The following DNAJC1 variants were observed in gnomAD, a reference collection of about 807,000 sequenced individuals.
The protein encoded by DNAJC1 is dnaJ homolog subfamily C member 1.
A neutral mutation model predicts 76.6 loss-of-function variants in DNAJC1; 58 were observed. The observed-to-expected ratio is 0.76, with a 90% CI of 0.61 to 0.94. The LOEUF is 0.94. Among genes scored for constraint, DNAJC1 ranks in the 40% least tolerant of loss-of-function variants. The pLI is 0.00. For synonymous variants in DNAJC1, 258 were observed against 267.9 expected (o/e 0.96, Z 0.36); for missense variants, 689 against 677.3 (o/e 1.02, Z -0.19).
At chr10:21,891,732 G>A (rs1422531544) in intron 7 of DNAJC1, among the ~76,000 whole-genome samples, 1 of 152,170 alleles carries the variant, frequency 6.6e-6, no homozygotes, top group Non-Finnish European at 1.5e-5. Flanking sequence ...TTACCGGCAT[G>A]AAGGGGAAAC....
rs773835390 is a variant in DNAJC1, at chr10:21,766,271, G to C, written c.1137C>G (p.Thr379=). 2.5e-6 allele frequency: 4 copies of C among 1,612,658 alleles called. No homozygotes were observed. The African/African-American group carries it at 5.3e-5, about 22-fold the overall frequency. Residue 379 remains threonine (T), a synonymous_variant, in exon 10 of 12, where the codon ACC becomes ACG. Coordinates refer to ENST00000376980, the MANE Select transcript of DNAJC1 (RefSeq NM_022365.4). The stretch of plus-strand genomic sequence containing the variant: ...GAAGTATGAACTCACCTGGGGAGCA[G>C]GTCACTGAATCCTTCAGTTGCTTGG... ...TKAKQLKDSV[T]CSPGMVRLSE...
At chr10:21,997,064 G>A (rs1158546429) in intron 1 of DNAJC1, among the ~76,000 whole-genome samples, 1 of 151,944 alleles carries the variant, frequency 6.6e-6, no homozygotes, top group African/African-American at 2.4e-5. Flanking sequence ...ATGTACAAAG[G>A]AATAGACTCC....
At chr10:21,950,420 C>G (rs941285352) in intron 1 of DNAJC1, among the ~76,000 whole-genome samples, 1 of 151,892 alleles carries the variant, frequency 6.6e-6, no homozygotes, top group Non-Finnish European at 1.5e-5. Context: ...CTGACTGATC[C>G]GACGACCAGC....
chr10:21,799,201 T>C (rs1482498666), intron 9 of DNAJC1, among the ~76,000 whole-genome samples: 1 of 152,250 alleles, frequency 6.6e-6, no homozygotes, highest in Non-Finnish European at 1.5e-5. Context: ...TTTCTACCAA[T>C]CTACTCTGTA....
chr10:21,966,179 C>T (rs561444684), intron 1 of DNAJC1, among the ~76,000 whole-genome samples: 1 of 152,186 alleles, frequency 6.6e-6, no homozygotes, highest in East Asian at 1.9e-4. Context: ...TATATTGTAC[C>T]CATCTCTGTG....
intron 8 of DNAJC1, among the ~76,000 whole-genome samples, chr10:21,827,613 G>A (rs1589998626): frequency 6.6e-6 from 1 of 152,172 alleles, no homozygotes; most frequent in Admixed American, 6.6e-5. Context: ...AACCTCTGCT[G>A]CGTCATCATA....
chr10:21,764,996 C>A (rs922459536), intron 10 of DNAJC1, among the ~76,000 whole-genome samples: 8 of 152,158 alleles, frequency 5.3e-5, no homozygotes, highest in Non-Finnish European at 1.2e-4. Context: ...TTCTGACCCC[C>A]CTCCACCAAG....
At chr10:21,976,363 T>C (rs1372455812) in intron 1 of DNAJC1, among the ~76,000 whole-genome samples, 1 of 152,176 alleles carries the variant, frequency 6.6e-6, no homozygotes, top group Non-Finnish European at 1.5e-5. Context: ...GGGCCAATAA[T>C]AAAAGCATGT....
intron 1 of DNAJC1, among the ~76,000 whole-genome samples, chr10:21,997,076 CAGAG>C (rs1838427801): frequency 6.6e-6 from 1 of 152,136 alleles, no homozygotes; most frequent in Non-Finnish European, 1.5e-5. Flanking sequence ...ATAGACTCCA[CAGAG>C]AAAGACTGAA....
chr10:21,918,340 A>C (rs369395912), intron 6 of DNAJC1, among the ~76,000 whole-genome samples: 2 of 150,368 alleles, frequency 1.3e-5, no homozygotes, highest in Non-Finnish European at 3.0e-5. Context: ...AAAGCAATAT[A>C]TATTTTGGTA....
At chr10:21,775,130 G>A (rs1172756092) in intron 9 of DNAJC1, among the ~76,000 whole-genome samples, 4 of 152,034 alleles carry the variant, frequency 2.6e-5, no homozygotes, top group African/African-American at 7.2e-5. Flanking sequence ...ATGTGATGTC[G>A]CTATTGTCAT....
chr10:21,950,364 T>A (rs137902717), intron 1 of DNAJC1, among the ~76,000 whole-genome samples: 4 of 152,306 alleles, frequency 2.6e-5, no homozygotes, highest in African/African-American at 7.2e-5. Context: ...TCACGAACCA[T>A]GTCTATATAA....
At chr10:21,783,003 C>T (rs974409159) in intron 9 of DNAJC1, among the ~76,000 whole-genome samples, 25 of 152,154 alleles carry the variant, frequency 1.6e-4, no homozygotes, top group Non-Finnish European at 8.8e-5. Flanking sequence ...GACAGGGATG[C>T]CCTCTTTCAC....
chr10:21,996,167 T>A (rs906979860), intron 1 of DNAJC1, among the ~76,000 whole-genome samples: 2 of 152,220 alleles, frequency 1.3e-5, no homozygotes, highest in African/African-American at 4.8e-5. Context: ...TTTATTTTTG[T>A]ATAACTCTGT....
At chr10:21,890,391 C>T (rs1008104764) in intron 7 of DNAJC1, among the ~76,000 whole-genome samples, 8 of 135,454 alleles carry the variant, frequency 5.9e-5, no homozygotes, top group South Asian at 2.3e-4. Flanking sequence ...CCAGCCTGGA[C>T]GAAACAGTGA....
chr10:21,984,222 A>G (rs1346796948), intron 1 of DNAJC1, among the ~76,000 whole-genome samples: 10 of 152,238 alleles, frequency 6.6e-5, no homozygotes, highest in Non-Finnish European at 1.5e-4. Flanking sequence ...TAAGAACGGT[A>G]TATCAGAAAC....
intron 9 of DNAJC1, among the ~76,000 whole-genome samples, chr10:21,789,052 G>A (rs548597472): frequency 5.1e-5 from 7 of 138,258 alleles, no homozygotes; most frequent in East Asian, 3.9e-4. Flanking sequence ...CTGAGCACCC[G>A]CACCTGGAAT....
At chr10:21,938,083 T>C (rs963126146) in intron 1 of DNAJC1, among the ~76,000 whole-genome samples, 2 of 152,170 alleles carry the variant, frequency 1.3e-5, no homozygotes, top group African/African-American at 4.8e-5. Context: ...CAGGGTTTCA[T>C]TACCCGTTAG....
chr10:21,976,337 T>G (rs1838061715), intron 1 of DNAJC1, among the ~76,000 whole-genome samples: 1 of 152,218 alleles, frequency 6.6e-6, no homozygotes, highest in African/African-American at 2.4e-5. Flanking sequence ...GTAAAAGGCT[T>G]TGATTCTATG....
Sources: gnomAD v4.1 joint callset for allele counts (sites outside exome capture counted in the v4.1 genomes callset) on GRCh38, gnomAD v4.1.1 for gene constraint, MANE v1.5 for transcripts, NCBI Gene and HGNC (gene_info 2026-07-23, HGNC 2026-07-21) for gene names.